PCID2: variants seen among roughly 807,000 people sequenced by gnomAD.
PCID2 encodes PCI domain containing 2.
Under a neutral mutation model 61.3 loss-of-function variants are expected in PCID2, and 41 were observed. The observed-to-expected ratio is 0.67, with a 90% confidence interval of 0.52 to 0.87. The LOEUF is 0.87. Ranked by LOEUF, PCID2 falls within the 40% of genes least tolerant of loss-of-function variation. PCID2 has a pLI of 0.00. For synonymous variants in PCID2, 187 were observed against 177.8 expected, an observed-to-expected ratio of 1.05 and a Z score of -0.41; for missense variants, 392 against 493.4, an observed-to-expected ratio of 0.79 and a Z score of 1.95.
the PCID2 span, among the ~76,000 whole-genome samples, chr13:113,168,903 A>C: frequency 2.0e-5 from 3 of 151,968 alleles, no homozygotes; most frequent in African/African-American, 7.3e-5. Flanking sequence ...TAATTTTTAA[A>C]TTTCATGTAG....
chr13:113,208,595 C>G lies in PCID2; in HGVS notation c.36+4G>C. 2 of 1,605,794 alleles carry G rather than the reference C, an allele frequency of 1.2e-6. No individual in the cohort carries two copies. Among genetic ancestry groups the G allele is most frequent in the Middle Eastern group, 1.7e-4 (1 of 6,024 alleles). Reference sequence around the variant, plus strand: ...CCGCCGCGCGCTCCCCGGCTAGGACCCACCTGCTGCAGGTACTGGTTAATG... The same window carrying G: ...CCGCCGCGCGCTCCCCGGCTAGGACGCACCTGCTGCAGGTACTGGTTAATG... On this transcript the variant is annotated splice_donor_region_variant and intron_variant, in intron 1 of 13. Coordinates refer to ENST00000337344, the MANE Select transcript of PCID2 (RefSeq NM_001127202.4).
intron 13 of PCID2, among the ~76,000 whole-genome samples, chr13:113,178,636 G>C (rs556772290): frequency 3.3e-5 from 5 of 152,286 alleles, no homozygotes; most frequent in South Asian, 2.1e-4. Context: ...ATAATTTAAA[G>C]TATACAGGAG....
chr13:113,179,323 G>T lies in PCID2; in HGVS notation c.987-234C>A, dbSNP rs1052776432. Among the ~76,000 whole-genome samples the T allele has an allele frequency of 1.3e-5, 2 of 151,796 alleles. No homozygotes were observed. Among genetic ancestry groups the T allele is most frequent in the South Asian group, 4.1e-4 (2 of 4,828 alleles). On this transcript the variant is annotated intron_variant, in intron 12 of 13. Transcript: ENST00000337344. The surrounding 1 kb of genome is among the most constrained non-coding windows in gnomAD (Gnocchi z 4.3). ...ATTATTTTCTAAGTATTTCATTAAG[G>T]TTCGGTTTTTTTTTTCACATTTTAA...
chr13:113,168,443 C>T, the PCID2 span, among the ~76,000 whole-genome samples: 2 of 152,276 alleles, frequency 1.3e-5, no homozygotes, highest in African/African-American at 4.8e-5. Context: ...CCCAGGCTGG[C>T]AGCAGTCCTC....
intron 9 of PCID2, among the ~76,000 whole-genome samples, chr13:113,183,096 C>A (rs1251695339): frequency 6.6e-6 from 1 of 152,124 alleles, no homozygotes. Context: ...AAAACAAAAT[C>A]TCTGCGAGCT....
At chr13:113,170,030 C>T in the PCID2 span, among the ~76,000 whole-genome samples, 14 of 152,330 alleles carry the variant, frequency 9.2e-5, no homozygotes, top group East Asian at 2.7e-3. Flanking sequence ...CCGTCCTGCT[C>T]TGCACCATGG....
intron 2 of PCID2, among the ~76,000 whole-genome samples, chr13:113,198,721 A>G (rs61966459): frequency 0.24 from 36,044 of 152,144 alleles, 5,376 homozygotes; most frequent in Non-Finnish European, 0.31. Context: ...AAATAAATAA[A>G]TAAATGGTTC....
At chr13:113,186,095 A>G (rs1566952050) in intron 7 of PCID2, 2 of 154,030 alleles carry the variant, frequency 1.3e-5, no homozygotes, top group African/African-American at 4.8e-5. Context: ...AACCAGTAAA[A>G]CACACAAAGA....
chr13:113,183,680 T>A (rs958269487), intron 9 of PCID2: 5 of 763,244 alleles, frequency 6.6e-6, no homozygotes, highest in Non-Finnish European at 8.0e-6. Context: ...TGAAGAAGAG[T>A]TTAAAGTCTG....
the PCID2 span, among the ~76,000 whole-genome samples, chr13:113,169,067 GCT>G: frequency 6.6e-6 from 1 of 152,022 alleles, no homozygotes; most frequent in South Asian, 2.1e-4. Flanking sequence ...CCTTCTCCCT[GCT>G]CTGTTTTGGG....
At chr13:113,201,582 C>A (rs763936710) in intron 1 of PCID2, among the ~76,000 whole-genome samples, 10 of 152,094 alleles carry the variant, frequency 6.6e-5, no homozygotes, top group Non-Finnish European at 1.2e-4. Flanking sequence ...GAGGCCGAGG[C>A]GGGCAGATCA....
At chr13:113,207,997 T>C (rs755618895) in intron 1 of PCID2, 32 of 1,596,026 alleles carry the variant, frequency 2.0e-5, no homozygotes, top group Non-Finnish European at 2.5e-5. Context: ...CAAGTGTCCA[T>C]CTTTTAACTG....
At chr13:113,200,635 G>C in intron 1 of PCID2, 119 bp from the exon 2 acceptor site, 2 of 578,024 alleles carry the variant, frequency 3.5e-6, no homozygotes, top group Non-Finnish European at 6.2e-6. Flanking sequence ...TTTGAAAGAA[G>C]ACAGAACAAT....
At chr13:113,206,399 G>A (rs1304275723) in intron 1 of PCID2, among the ~76,000 whole-genome samples, 2 of 152,208 alleles carry the variant, frequency 1.3e-5, no homozygotes, top group South Asian at 2.1e-4. Context: ...GCAGCAGGGC[G>A]TCCTGGCTGG....
chr13:113,194,970 A>C (rs2038899511), intron 6 of PCID2, 101 bp downstream of exon 6: 2 of 834,624 alleles, frequency 2.4e-6, no homozygotes, highest in Non-Finnish European at 4.2e-6. Context: ...CTCAACTCCA[A>C]TTTGCTCCTC....
intron 1 of PCID2, 27 bp downstream of exon 1, chr13:113,208,572 G>T: frequency 6.2e-7 from 1 of 1,605,154 alleles, no homozygotes; most frequent in South Asian, 1.1e-5. Flanking sequence ...CAACCACGCC[G>T]CCGCGCGCTC....
At chr13:113,172,149 G>A in the PCID2 span, 3 of 1,603,998 alleles carry the variant, frequency 1.9e-6, no homozygotes, top group East Asian at 6.7e-5. Flanking sequence ...CCGGAAGCGG[G>A]ATTCCAAGCT....
the PCID2 span, chr13:113,172,276 C>T: frequency 5.9e-6 from 5 of 850,214 alleles, no homozygotes; most frequent in East Asian, 2.7e-5. Context: ...GGTTGTTTAC[C>T]GAGCACTGTG....
intron 7 of PCID2, chr13:113,188,723 A>G (rs1012895872): frequency 7.9e-5 from 12 of 152,214 alleles, no homozygotes; most frequent in African/African-American, 2.7e-4. Flanking sequence ...CTCTATTTCA[A>G]TCCCCTCACC....
Sources: allele counts gnomAD v4.1 joint callset (sites outside exome capture counted in the v4.1 genomes callset), GRCh38; gene constraint gnomAD v4.1.1; non-coding constraint Gnocchi (gnomAD v3.1); transcripts MANE v1.5; gene names NCBI Gene and HGNC (gene_info 2026-07-23, HGNC 2026-07-21).